Variants in RIC1 observed in about 807,000 individuals in gnomAD.
RIC1 encodes the protein guanine nucleotide exchange factor subunit RIC1.
RIC1 carries 88 observed loss-of-function variants against 169.0 expected under a neutral mutation model. The observed-to-expected ratio is 0.52, with a 90% CI of 0.44 to 0.62. RIC1 has a LOEUF of 0.62. Ranked by LOEUF, RIC1 falls within the 20% of genes least tolerant of loss-of-function variation. The pLI, the probability that RIC1 is intolerant of heterozygous loss-of-function variation, is 0.00. For missense variants in RIC1, 1,877 were observed against 1,725.5 expected (o/e 1.09, Z -1.56); for synonymous variants, 790 against 601.5 (o/e 1.31, Z -4.59).
chr9:5,748,996 T>C (rs1270472400), intron 12 of RIC1, among the ~76,000 whole-genome samples: 2 of 152,178 alleles, frequency 1.3e-5, no homozygotes, highest in African/African-American at 4.8e-5. Context: ...ATTGATTGTT[T>C]TGTACTGCTG....
chr9:5,727,241 C>G (rs1298733177), intron 6 of RIC1, among the ~76,000 whole-genome samples: 1 of 152,142 alleles, frequency 6.6e-6, no homozygotes, highest in East Asian at 1.9e-4. Context: ...TTCTGGGAGG[C>G]TTTGTTCATT....
Position 5,765,535 on chromosome 9 carries a change from G to C in RIC1, c.2963G>C (p.Gly988Ala). The C allele has an allele frequency of 6.2e-7, 1 of 1,611,574 alleles. No homozygotes were observed. Among genetic ancestry groups the C allele is most frequent in the African/African-American group, 1.3e-5 (1 of 74,110 alleles). ...MIRFLKAIGS[G>A]ESETPPSTPT... ...CGATTTCTTAAAGCCATTGGCTCTG[G>C]AGAATCTGAGACACCTCCATCCACA... Residue 988 changes from glycine (G) to alanine (A), a missense_variant, in exon 20 of 26, where the codon GGA becomes GCA. Coordinates refer to ENST00000414202, the MANE Select transcript of RIC1 (RefSeq NM_020829.4).
Position 5,776,135 on chromosome 9 carries a change from G to A in RIC1, c.*1889G>A, listed in dbSNP as rs565911863. ...TTCATCTCAAACATTCTTGAAAGCA[G>A]GGCACCAGTATAAGTTAACTGTATT... On this transcript the variant is annotated 3_prime_UTR_variant, in exon 26 of 26. Coordinates refer to ENST00000414202, the MANE Select transcript of RIC1 (RefSeq NM_020829.4). The A allele has an allele frequency of 6.6e-6, 1 of 152,238 alleles. No individual in the cohort carries two copies. The highest frequency in any genetic ancestry group is 1.9e-4 in the East Asian group (1 of 5,188). 9.4% of individuals were successfully genotyped at this position (152,238 alleles called of 1,614,324 possible). A position where few individuals can be genotyped will look rare whatever the true frequency, so the allele number is the denominator to read the frequency against.
intron 9 of RIC1, 126 bp from the exon 10 acceptor site, chr9:5,743,563 A>G (rs1825202406): frequency 2.8e-6 from 2 of 720,742 alleles, no homozygotes; most frequent in Non-Finnish European, 4.7e-6. Context: ...TTTGTATTTC[A>G]TGCATTATTA....
chr9:5,678,013 A>G (rs1379178415), intron 2 of RIC1, among the ~76,000 whole-genome samples: 1 of 151,434 alleles, frequency 6.6e-6, no homozygotes, highest in Non-Finnish European at 1.5e-5. Context: ...CCACCCCACA[A>G]CAGTCCCCAG....
chr9:5,744,567 A>G (rs899201910), intron 10 of RIC1, among the ~76,000 whole-genome samples: 4 of 152,286 alleles, frequency 2.6e-5, no homozygotes, highest in Admixed American at 2.6e-4. Flanking sequence ...GAATTCCCTT[A>G]TGTTTTATAT....
intron 6 of RIC1, among the ~76,000 whole-genome samples, chr9:5,726,299 A>G (rs1823979249): frequency 6.6e-6 from 1 of 152,152 alleles, no homozygotes; most frequent in Admixed American, 6.5e-5. Flanking sequence ...TCCCTTTAGC[A>G]TTATGCAATG....
chr9:5,631,895 A>C (rs144600573), intron 1 of RIC1, among the ~76,000 whole-genome samples: 1 of 152,294 alleles, frequency 6.6e-6, no homozygotes, highest in East Asian at 1.9e-4. Flanking sequence ...TAGGTTAACA[A>C]ACTTCATTTA....
chr9:5,733,469 G>A (rs548852573), intron 7 of RIC1, among the ~76,000 whole-genome samples: 5 of 151,816 alleles, frequency 3.3e-5, no homozygotes, highest in Admixed American at 6.6e-5. Context: ...GCATTTCACC[G>A]TGTTTGGCCA....
chr9:5,636,109 A>T (rs1025320430), intron 1 of RIC1, among the ~76,000 whole-genome samples: 4 of 152,216 alleles, frequency 2.6e-5, no homozygotes, highest in Admixed American at 6.5e-5. Context: ...TGAAATTCTG[A>T]TAGAGATTGC....
rs560327867 is a variant in RIC1 at position 5,757,397 on chromosome 9, C to T, written c.1938C>T (p.Val646=). 3 of 1,613,944 alleles carry T rather than the reference C, an allele frequency of 1.9e-6. No homozygotes were observed. In the East Asian group the frequency reaches 6.7e-5, roughly 36 times the overall value. ...CTCACCCTTTCCTGGTGGTATCTGT[C>T]ACTCTGACATCAGTGAGTACAGAGA... ...YIPHPFLVVS[V]TLTSVSTENG... Residue 646 remains valine, a synonymous_variant, in exon 17 of 26, where the codon GTC becomes GTT. Transcript: ENST00000414202.
chr9:5,657,479 G>A (rs978624110), intron 2 of RIC1, among the ~76,000 whole-genome samples: 2 of 152,106 alleles, frequency 1.3e-5, no homozygotes, highest in Admixed American at 6.6e-5. Flanking sequence ...GTGCTTTGAA[G>A]TAGATATTAT....
intron 23 of RIC1, among the ~76,000 whole-genome samples, chr9:5,771,707 T>C (rs1827235026): frequency 6.6e-6 from 1 of 152,176 alleles, no homozygotes; most frequent in African/African-American, 2.4e-5. Flanking sequence ...GTAGTCATCC[T>C]AATGGGTGTG....
intron 15 of RIC1, among the ~76,000 whole-genome samples, chr9:5,755,693 C>T (rs542775655): frequency 2.1e-4 from 32 of 152,178 alleles, no homozygotes; most frequent in African/African-American, 7.0e-4. Context: ...GAGGCTAAGG[C>T]GGGTGGATCA....
chr9:5,671,289 A>C (rs1345721098), intron 2 of RIC1, among the ~76,000 whole-genome samples: 2 of 136,184 alleles, frequency 1.5e-5, no homozygotes, highest in African/African-American at 5.7e-5. Flanking sequence ...TTTTTTTTTG[A>C]GACGGCATCT....
intron 2 of RIC1, among the ~76,000 whole-genome samples, chr9:5,685,937 A>C (rs1821190896): frequency 6.6e-6 from 1 of 150,902 alleles, no homozygotes. Flanking sequence ...CAAGAAAAAA[A>C]CAAACAAACC....
At chr9:5,659,850 A>T (rs1374859679) in intron 2 of RIC1, among the ~76,000 whole-genome samples, 2 of 151,932 alleles carry the variant, frequency 1.3e-5, no homozygotes, top group Admixed American at 6.6e-5. Context: ...ATTTTTTCCA[A>T]CTTAACTTCA....
At chr9:5,745,135 C>T (rs1399698541) in intron 10 of RIC1, among the ~76,000 whole-genome samples, 5 of 152,198 alleles carry the variant, frequency 3.3e-5, no homozygotes, top group Non-Finnish European at 7.3e-5. Flanking sequence ...TGTTGTCCGT[C>T]TCACTAAGTT....
intron 3 of RIC1, among the ~76,000 whole-genome samples, chr9:5,694,856 T>G (rs1171429217): frequency 6.6e-6 from 1 of 151,514 alleles, no homozygotes; most frequent in Non-Finnish European, 1.5e-5. Flanking sequence ...TTCAAAAAAC[T>G]CTTCTGAAAA....
Sources: allele counts gnomAD v4.1 joint callset (sites outside exome capture counted in the v4.1 genomes callset), GRCh38; gene constraint gnomAD v4.1.1; transcripts MANE v1.5; gene names NCBI Gene and HGNC (gene_info 2026-07-23, HGNC 2026-07-21).